CDK5RAP3: variants seen among roughly 807,000 people sequenced by gnomAD.
CDK5RAP3 encodes the protein CDK5 regulatory subunit-associated protein 3.
A neutral mutation model predicts 73.3 loss-of-function variants in CDK5RAP3; 58 were observed. That is an observed-to-expected ratio of 0.79 (90% CI 0.64 to 0.98). The LOEUF (loss-of-function observed/expected upper bound fraction) is 0.98. Among genes scored for constraint, CDK5RAP3 ranks in the 50% least tolerant of loss-of-function variants. The pLI, the probability that CDK5RAP3 is intolerant of heterozygous loss-of-function variation, is 0.00. For synonymous variants in CDK5RAP3, 224 were observed against 247.5 expected (o/e 0.91, Z 0.89); for missense variants, 525 against 615.8 (o/e 0.85, Z 1.56).
chr17:47,971,549 G>A (rs1018323039), intron 2 of CDK5RAP3, 142 bp downstream of exon 2: 8 of 782,670 alleles, frequency 1.0e-5, no homozygotes, highest in Non-Finnish European at 1.6e-5. Flanking sequence ...CCCATCTGTG[G>A]CCAGACCTGC....
Position 47,971,126 on chromosome 17 carries a change from T to A in CDK5RAP3, c.-21T>A, listed in dbSNP as rs2036249448. On this transcript the variant is annotated 5_prime_UTR_variant, in exon 1 of 14. Coordinates refer to ENST00000338399, the MANE Select transcript of CDK5RAP3 (RefSeq NM_176096.3). ...GCGGGGCGGGCCACAGTCTCCAGCC[T>A]GAAGCGGAAGTGGAGGAAAGATGGA... The A allele has an allele frequency of 3.2e-6, 5 of 1,551,600 alleles. No homozygotes were observed. In the East Asian group the frequency reaches 1.2e-4, roughly 38 times the overall value.
At chr17:47,976,884 A>G (rs2036429622) in intron 9 of CDK5RAP3, 62 bp downstream of exon 9, 2 of 1,131,678 alleles carry the variant, frequency 1.8e-6, no homozygotes, top group East Asian at 2.4e-5. Flanking sequence ...GAAAAGTGTC[A>G]TTTGTGTCTG....
Position 47,978,836 on chromosome 17 carries a change from A to G in CDK5RAP3, c.996A>G (p.Glu332=), listed in dbSNP as rs1429042419. The G allele has an allele frequency of 2.5e-6, 4 of 1,613,004 alleles. No individual in the cohort carries two copies. The highest frequency in any genetic ancestry group is 1.6e-4 in the Middle Eastern group (1 of 6,080). Residue 332 remains glutamate (E), a synonymous_variant, in exon 11 of 14, where the codon GAA becomes GAG. Transcript: ENST00000338399. The part of the protein sequence containing the change: ...TVLEAGTQAP[E]GVARGPDALT... ...TCTGTCTCTTCCTGGCAGCTCCAGA[A>G]GGTGTTGCCAGGGGCCCAGATGCCC...
chr17:47,979,610 T>A (rs540872763), intron 11 of CDK5RAP3: 1 of 152,666 alleles, frequency 6.6e-6, no homozygotes, highest in African/African-American at 2.4e-5. Context: ...AGGAACATGA[T>A]CTCATTTGTG....
At chr17:47,976,426 C>T in intron 8 of CDK5RAP3, 1 of 396,018 alleles carries the variant, frequency 2.5e-6, no homozygotes, top group African/African-American at 2.1e-5. Flanking sequence ...GTGGCATGAT[C>T]CTTGCTGACT....
At chr17:47,980,381 G>T in intron 11 of CDK5RAP3, 3 of 565,196 alleles carry the variant, frequency 5.3e-6, no homozygotes, top group Non-Finnish European at 9.6e-6. Flanking sequence ...TGATCCTCCC[G>T]CCTCAGCCTC....
chr17:47,980,544 A>G, intron 11 of CDK5RAP3, 49 bp from the exon 12 acceptor site: 1 of 1,556,160 alleles, frequency 6.4e-7, no homozygotes, highest in Non-Finnish European at 8.9e-7. Flanking sequence ...TGGAATTGCA[A>G]GTGTGAGCCA....
At chr17:47,975,782 G>A (rs1567724743) in intron 7 of CDK5RAP3, 87 bp from the exon 8 acceptor site, 27 of 1,598,110 alleles carry the variant, frequency 1.7e-5, no homozygotes, top group Non-Finnish European at 2.3e-5. Context: ...TGGGGGCCTT[G>A]CCCATTTGAC....
At position 47,975,319 on chromosome 17, in the gene CDK5RAP3, C is replaced by T. The variant is rs1375397045; in HGVS notation, c.495C>T (p.Cys165=). ...TGCGGGAGCAGTTCTACCACTCCTG[C>T]AAGCAGTATGGCATCACGGTGAGCG... The part of the protein sequence containing the change: ...AEMREQFYHS[C]KQYGITGENV... The change falls in exon 6 of 14, where the codon TGC becomes TGT. Residue 165 remains cysteine, a synonymous_variant. Coordinates refer to ENST00000338399, the MANE Select transcript of CDK5RAP3 (RefSeq NM_176096.3). 1.2e-6 allele frequency: 2 copies of T among 1,614,002 alleles called. No homozygotes were observed. The highest frequency in any genetic ancestry group is 8.5e-7 in the Non-Finnish European group (1 of 1,180,024).
At chr17:47,979,152 CAA>C in intron 11 of CDK5RAP3, 1 of 504,926 alleles carries the variant, frequency 2.0e-6, no homozygotes, top group Non-Finnish European at 3.5e-6. Flanking sequence ...ATAAGACAGT[CAA>C]AGTCCTTGAC....
At chr17:47,975,737 A>G (rs1329281948) in intron 7 of CDK5RAP3, 84 bp downstream of exon 7, 5 of 1,567,982 alleles carry the variant, frequency 3.2e-6, no homozygotes, top group Non-Finnish European at 4.3e-6. Flanking sequence ...TCTTGTTCCC[A>G]TATAACATTT....
chr17:47,977,142 TTTTTA>T (rs1387668704), intron 9 of CDK5RAP3, among the ~76,000 whole-genome samples: 1 of 148,694 alleles, frequency 6.7e-6, no homozygotes, highest in Non-Finnish European at 1.5e-5. Context: ...CCCCTCTAAT[TTTTTA>T]TTTTGTTTGT....
At position 47,975,879 on chromosome 17, in the gene CDK5RAP3, C is replaced by A; in HGVS notation, c.664C>A (p.Gln222Lys). 1 of 1,614,172 alleles carries A rather than the reference C, an allele frequency of 6.2e-7. No individual in the cohort carries two copies. Among genetic ancestry groups the A allele is most frequent in the Non-Finnish European group, 8.5e-7 (1 of 1,180,044 alleles). ...TGTGCTCTGTTGAAGCCCCACAGAG[C>A]AGGTGTTGCCAATGCTGCGGTTCGT... is the stretch of plus-strand genomic sequence containing the variant. ...VGFVCESPTE[Q>K]VLPMLRFVQK... Residue 222 changes from glutamine to lysine, a missense_variant, in exon 8 of 14, where the codon CAG becomes AAG. Physicochemically the swap from Gln to Lys is moderately conservative, Grantham distance 53. Transcript: ENST00000338399.
chr17:47,974,358 A>T, intron 4 of CDK5RAP3, 42 bp from the exon 5 acceptor site: 2 of 1,546,416 alleles, frequency 1.3e-6, no homozygotes, highest in Non-Finnish European at 1.8e-6. Flanking sequence ...GTGGCTGTCG[A>T]GTGCTTTTCT....
At chr17:47,971,059 T>C (rs748556504), upstream of CDK5RAP3, 122 of 1,549,472 alleles carry the variant, frequency 7.9e-5, no homozygotes, top group Non-Finnish European at 9.4e-5. Flanking sequence ...CGTTTGTGTC[T>C]AAACGGAGGC....
At chr17:47,981,011 G>C in intron 12 of CDK5RAP3, 152 bp from the exon 13 acceptor site, 1 of 926,268 alleles carries the variant, frequency 1.1e-6, no homozygotes, top group East Asian at 2.6e-5. Context: ...GGAACTGGGA[G>C]TGGGTTTTCC....
chr17:47,971,760 A>ATGGGTTG (rs2036275362), intron 2 of CDK5RAP3, among the ~76,000 whole-genome samples: 6 of 151,778 alleles, frequency 4.0e-5, no homozygotes, highest in Admixed American at 2.6e-4. Context: ...ACCTGAGGTC[A>ATGGGTTG]GGAGTTCGAG....
chr17:47,969,418 G>T (rs188003773), upstream of CDK5RAP3, among the ~76,000 whole-genome samples: 4 of 151,936 alleles, frequency 2.6e-5, no homozygotes, highest in African/African-American at 7.2e-5. Flanking sequence ...TTAGCCGGGC[G>T]TGGTGGCGGG....
At chr17:47,977,996 G>A (rs964019698) in intron 10 of CDK5RAP3, 86 bp downstream of exon 10, 2 of 939,502 alleles carry the variant, frequency 2.1e-6, no homozygotes, top group Non-Finnish European at 3.4e-6. Context: ...GCAGCGCTAA[G>A]ATGAGGCTTC....
Sources: allele counts gnomAD v4.1 joint callset (sites outside exome capture counted in the v4.1 genomes callset), GRCh38; gene constraint gnomAD v4.1.1; transcripts MANE v1.5; gene names NCBI Gene and HGNC (gene_info 2026-07-23, HGNC 2026-07-21).